The following RNF150 variants were observed in gnomAD, a reference collection of about 807,000 sequenced individuals.
RNF150 encodes the protein ring finger protein 150.
A neutral mutation model predicts 39.3 loss-of-function variants in RNF150; 24 were observed. That is an observed-to-expected ratio of 0.61 (90% CI 0.44 to 0.86). The LOEUF (loss-of-function observed/expected upper bound fraction) is 0.86, where lower values mean the gene tolerates loss of function less well. RNF150 is among the 40% of genes least tolerant of loss of function. The pLI is 0.00. For missense variants in RNF150, 502 were observed against 587.8 expected, an observed-to-expected ratio of 0.85 and a Z score of 1.51; for synonymous variants, 255 against 227.3, an observed-to-expected ratio of 1.12 and a Z score of -1.10.
At chr4:140,874,090 C>T (rs1359572259) in intron 6 of RNF150, among the ~76,000 whole-genome samples, 2 of 152,146 alleles carry the variant, frequency 1.3e-5, no homozygotes, top group African/African-American at 4.8e-5. Context: ...AAATAATTCT[C>T]AGTGGTGGGG....
intron 1 of RNF150, among the ~76,000 whole-genome samples, chr4:141,204,036 C>T (rs1468063423): frequency 6.6e-6 from 1 of 152,118 alleles, no homozygotes; most frequent in Non-Finnish European, 1.5e-5. Flanking sequence ...CTGAAAGCAG[C>T]TCATTGTGGA....
chr4:140,873,308 T>C (rs1174866968), intron 6 of RNF150, among the ~76,000 whole-genome samples: 1 of 152,144 alleles, frequency 6.6e-6, no homozygotes, highest in Non-Finnish European at 1.5e-5. Context: ...AGTCACCAAA[T>C]GGGCTAAATC....
intron 1 of RNF150, among the ~76,000 whole-genome samples, chr4:141,150,307 G>C (rs954704887): frequency 1.3e-5 from 2 of 152,142 alleles, no homozygotes; most frequent in Non-Finnish European, 2.9e-5. Context: ...AAAAACCTTG[G>C]AGCTCTCTTT....
At chr4:140,926,456 C>A (rs1245319155) in intron 4 of RNF150, among the ~76,000 whole-genome samples, 1 of 152,176 alleles carries the variant, frequency 6.6e-6, no homozygotes, top group African/African-American at 2.4e-5. Context: ...TGCAGAATTT[C>A]TTTTCCCACA....
chr4:140,912,405 A>G (rs1298516277), intron 5 of RNF150, among the ~76,000 whole-genome samples: 2 of 152,202 alleles, frequency 1.3e-5, no homozygotes, highest in Admixed American at 1.3e-4. Flanking sequence ...GAAGGATGAT[A>G]ATTACATGGT....
intron 1 of RNF150, among the ~76,000 whole-genome samples, chr4:141,054,444 G>C (rs1209677396): frequency 6.6e-6 from 1 of 152,010 alleles, no homozygotes; most frequent in African/African-American, 2.4e-5. Flanking sequence ...ATATTAACAT[G>C]AACATGAATG....
In RNF150 at chr4:140,859,979, C is replaced by T. The variant is rs922698536; in HGVS notation, c.*8282G>A. ...ATAGTCTTCTATATAACAAAAATAA[C>T]CATGTTGTAATGACTGTTTCCAACT... On this transcript the variant is annotated 3_prime_UTR_variant, in exon 7 of 7. Transcript: ENST00000515673. 7.2e-5 allele frequency: 11 copies of T among 152,022 alleles called. No individual in the cohort carries two copies. Among genetic ancestry groups the T allele is most frequent in the African/African-American group, 2.7e-4 (11 of 41,380 alleles). 9.4% of individuals were successfully genotyped at this position (152,022 alleles called of 1,614,324 possible). A position where few individuals can be genotyped will look rare whatever the true frequency, so the allele number is the denominator to read the frequency against.
intron 1 of RNF150, among the ~76,000 whole-genome samples, chr4:141,142,831 A>C (rs1191771756): frequency 6.7e-6 from 1 of 149,434 alleles, no homozygotes; most frequent in Non-Finnish European, 1.5e-5. Flanking sequence ...ATTTTATATT[A>C]TGTAGGTGAT....
At chr4:140,924,499 A>G (rs530267552) in intron 5 of RNF150, among the ~76,000 whole-genome samples, 19 of 152,322 alleles carry the variant, frequency 1.2e-4, no homozygotes, top group Non-Finnish European at 2.2e-4. Context: ...CCTGAACAAT[A>G]GGAACACATC....
At chr4:140,894,412 G>A (rs759116744) in intron 6 of RNF150, among the ~76,000 whole-genome samples, 1 of 152,132 alleles carries the variant, frequency 6.6e-6, no homozygotes, top group Non-Finnish European at 1.5e-5. Context: ...ACAACAGAAA[G>A]TCATTTTAAC....
intron 1 of RNF150, among the ~76,000 whole-genome samples, chr4:141,043,055 GA>G (rs1222325847): frequency 1.3e-5 from 2 of 152,020 alleles, no homozygotes; most frequent in Admixed American, 1.3e-4. Flanking sequence ...TCATTTGTGG[GA>G]AATTCTTTGA....
At chr4:140,989,811 A>C (rs1228297697) in intron 1 of RNF150, among the ~76,000 whole-genome samples, 1 of 152,130 alleles carries the variant, frequency 6.6e-6, no homozygotes. Flanking sequence ...TCTGGCTCTG[A>C]AGATGATAGT....
intron 2 of RNF150, among the ~76,000 whole-genome samples, chr4:140,967,214 T>A (rs1733277502): frequency 6.6e-6 from 1 of 152,146 alleles, no homozygotes; most frequent in Non-Finnish European, 1.5e-5. Flanking sequence ...ACTTTTTGCA[T>A]TTTGTACCAT....
At chr4:141,182,916 C>G (rs543210418) in intron 1 of RNF150, among the ~76,000 whole-genome samples, 135 of 150,982 alleles carry the variant, frequency 8.9e-4, no homozygotes, top group African/African-American at 3.2e-3. Flanking sequence ...CATCACACTA[C>G]CTGACTTCAA....
At chr4:140,987,890 A>G (rs1408973054) in intron 1 of RNF150, among the ~76,000 whole-genome samples, 1 of 152,178 alleles carries the variant, frequency 6.6e-6, no homozygotes, top group African/African-American at 2.4e-5. Flanking sequence ...CACAATCTAC[A>G]AGGAACTTAA....
chr4:140,934,460 GA>G (rs953730901), intron 4 of RNF150, among the ~76,000 whole-genome samples: 19 of 147,246 alleles, frequency 1.3e-4, no homozygotes, highest in East Asian at 3.9e-4. Context: ...GAGCAAAAAA[GA>G]AAAAAAAAAG....
intron 1 of RNF150, among the ~76,000 whole-genome samples, chr4:141,045,743 C>T (rs1051595914): frequency 6.6e-6 from 1 of 151,970 alleles, no homozygotes; most frequent in Non-Finnish European, 1.5e-5. Flanking sequence ...GGGGTTTCAC[C>T]ATGTTGGCCA....
Position 141,048,316 on chromosome 4 carries a change from G to A in RNF150, c.485-80443C>T, listed in dbSNP as rs535750941. The stretch of plus-strand genomic sequence containing the variant: ...TGCTGTAAAGACAATGAAATGAGAC[G>A]TCTCCCTTTGGCTATGTCTGAAGAA... On this transcript the variant is annotated intron_variant, in intron 1 of 6. Coordinates refer to ENST00000515673, the MANE Select transcript of RNF150 (RefSeq NM_020724.2). 1.8e-4 allele frequency among the ~76,000 whole-genome samples: 28 copies of A among 152,256 alleles called. No homozygotes were observed. In the South Asian group the frequency reaches 3.9e-3, roughly 21 times the overall value.
intron 1 of RNF150, among the ~76,000 whole-genome samples, chr4:141,019,868 G>A (rs1489862444): frequency 6.6e-6 from 1 of 152,128 alleles, no homozygotes; most frequent in Non-Finnish European, 1.5e-5. Context: ...GCAGTTTTTG[G>A]TGAGGATCTA....
Sources: gnomAD v4.1 joint callset for allele counts (sites outside exome capture counted in the v4.1 genomes callset) on GRCh38, gnomAD v4.1.1 for gene constraint, MANE v1.5 for transcripts, NCBI Gene and HGNC (gene_info 2026-07-23, HGNC 2026-07-21) for gene names.